The following WDR93 variants were observed in gnomAD, a reference collection of about 807,000 sequenced individuals.
WDR93 encodes WD repeat-containing protein 93.
In WDR93, 73 loss-of-function variants were observed where a neutral mutation model predicts 82.9. That is an observed-to-expected ratio of 0.88 (90% CI 0.73 to 1.07). The LOEUF (loss-of-function observed/expected upper bound fraction) is 1.07. Among genes scored for constraint, WDR93 ranks in the 50% least tolerant of loss-of-function variants. WDR93 has a pLI of 0.00. For missense variants in WDR93, 738 were observed against 826.0 expected (o/e 0.89, Z 1.31); for synonymous variants, 283 against 300.1 (o/e 0.94, Z 0.59).
At chr15:89,741,412 G>A (rs1486083819) in intron 16 of WDR93, among the ~76,000 whole-genome samples, 1 of 151,918 alleles carries the variant, frequency 6.6e-6, no homozygotes, top group East Asian at 1.9e-4. Context: ...ATTATCTGTG[G>A]AAGCAGGGTC....
At chr15:89,703,214 T>C in intron 3 of WDR93, 72 bp downstream of exon 3, 4 of 1,556,078 alleles carry the variant, frequency 2.6e-6, no homozygotes, top group Non-Finnish European at 2.7e-6. Flanking sequence ...TAATCTCCTT[T>C]TGAGGTATTG....
intron 4 of WDR93, among the ~76,000 whole-genome samples, chr15:89,709,726 A>G (rs1965876791): frequency 6.6e-6 from 1 of 152,122 alleles, no homozygotes. Context: ...TGCTGAGATT[A>G]CAGGTGAGGT....
chr15:89,703,356 G>A (rs944702460), intron 3 of WDR93: 1 of 580,196 alleles, frequency 1.7e-6, no homozygotes. Context: ...GCAGCCTTAG[G>A]GGGGAAGTAA....
chr15:89,737,946 T>C, intron 15 of WDR93, 95 bp from the exon 16 acceptor site: 1 of 1,411,648 alleles, frequency 7.1e-7, no homozygotes, highest in Non-Finnish European at 9.6e-7. Flanking sequence ...CCAGCCTTTA[T>C]AAGCAGAGAG....
intron 5 of WDR93, chr15:89,714,330 CT>C (rs939401869): frequency 3.0e-4 from 44 of 147,000 alleles, no homozygotes; most frequent in Non-Finnish European, 4.2e-4. Flanking sequence ...TGAAGCATTT[CT>C]TTTTTTTTTT....
intron 14 of WDR93, among the ~76,000 whole-genome samples, chr15:89,736,069 C>T (rs963988483): frequency 2.0e-5 from 3 of 152,130 alleles, no homozygotes; most frequent in African/African-American, 4.8e-5. Context: ...CTGTACACTG[C>T]GCAGAAGGAT....
intron 1 of WDR93, among the ~76,000 whole-genome samples, chr15:89,693,256 G>GT (rs1964991573): frequency 6.6e-6 from 1 of 152,176 alleles, no homozygotes; most frequent in Non-Finnish European, 1.5e-5. Context: ...CATATGGTAT[G>GT]TTTAACTTTG....
chr15:89,721,648 A>G (rs1966532274), intron 7 of WDR93, among the ~76,000 whole-genome samples: 1 of 152,120 alleles, frequency 6.6e-6, no homozygotes, highest in Non-Finnish European at 1.5e-5. Flanking sequence ...GGCTCTCGCT[A>G]TGTTGCCCAG....
At chr15:89,710,632 G>A (rs879622982) in intron 4 of WDR93, among the ~76,000 whole-genome samples, 6 of 151,850 alleles carry the variant, frequency 4.0e-5, no homozygotes, top group Non-Finnish European at 8.8e-5. Context: ...GGAATGTCCC[G>A]CAACTCATTT....
chr15:89,735,957 G>A (rs1256964323), intron 14 of WDR93, among the ~76,000 whole-genome samples: 2 of 152,312 alleles, frequency 1.3e-5, no homozygotes, highest in East Asian at 1.9e-4. Context: ...CGTGTCCCGG[G>A]CACTGCAGGA....
intron 5 of WDR93, 120 bp downstream of exon 5, chr15:89,712,224 G>C (rs989432390): frequency 5.0e-6 from 4 of 804,646 alleles, no homozygotes; most frequent in Non-Finnish European, 7.6e-6. Context: ...AAGAAGAGTT[G>C]CAAAGAAATT....
In WDR93 at chr15:89,709,790, C is replaced by G. The variant is rs1356649212; in HGVS notation, c.562-2236C>G. ...CATCAAGCCCATTTTTAGGTATTTA[C>G]CCAAAAGAAATGAAAACATTTGTTC... On this transcript the variant is annotated intron_variant, in intron 4 of 16. Coordinates refer to ENST00000268130, the MANE Select transcript of WDR93 (RefSeq NM_020212.2). Among the ~76,000 whole-genome samples the G allele has an allele frequency of 1.3e-5, 2 of 151,786 alleles. 1 individual carries two copies. Among genetic ancestry groups the G allele is most frequent in the African/African-American group, 4.8e-5 (2 of 41,288 alleles).
chr15:89,714,174 C>G (rs941603169), intron 5 of WDR93: 2 of 152,248 alleles, frequency 1.3e-5, no homozygotes, highest in Non-Finnish European at 2.9e-5. Flanking sequence ...GTTGCTGATT[C>G]TGTATTTGCT....
upstream of WDR93, chr15:89,690,729 G>A (rs186678055): frequency 6.4e-5 from 54 of 845,926 alleles, no homozygotes; most frequent in African/African-American, 6.7e-4. Context: ...CAGGTTATCC[G>A]CTGAGGGGGA....
At chr15:89,728,918 G>C (rs944099058) in intron 9 of WDR93, 105 bp from the exon 10 acceptor site, 13 of 959,740 alleles carry the variant, frequency 1.4e-5, no homozygotes, top group African/African-American at 1.3e-4. Flanking sequence ...CCCCTGGGAA[G>C]GTCCATTCTA....
chr15:89,691,701 C>T (rs368605464), intron 1 of WDR93, among the ~76,000 whole-genome samples: 10 of 151,264 alleles, frequency 6.6e-5, no homozygotes, highest in African/African-American at 2.4e-4. Flanking sequence ...GCCTGGGCGA[C>T]AGAGCGAGAC....
chr15:89,701,204 C>T (rs1965445494), intron 1 of WDR93, among the ~76,000 whole-genome samples: 1 of 152,002 alleles, frequency 6.6e-6, no homozygotes, highest in African/African-American at 2.4e-5. Context: ...AGCACTGTGT[C>T]TGCAGAACTT....
In WDR93 at chr15:89,739,428, T is replaced by C. The variant is rs1013498063; in HGVS notation, c.1961+1192T>C. Among the ~76,000 whole-genome samples, 5 of 152,306 alleles carry C rather than the reference T, an allele frequency of 3.3e-5. No homozygotes were observed. In the East Asian group the frequency reaches 5.8e-4, roughly 18 times the overall value. On this transcript the variant is annotated intron_variant, in intron 16 of 16. Coordinates refer to ENST00000268130, the MANE Select transcript of WDR93 (RefSeq NM_020212.2). Reference sequence around the variant, plus strand: ...TACCCATCATTCAGATAAACCGTTATGTGTGTGTTTCTCCTCTTCCCCTTC... The same window carrying C: ...TACCCATCATTCAGATAAACCGTTACGTGTGTGTTTCTCCTCTTCCCCTTC...
chr15:89,722,634 A>G (rs571980728), intron 8 of WDR93, among the ~76,000 whole-genome samples: 2 of 152,200 alleles, frequency 1.3e-5, no homozygotes, highest in African/African-American at 4.8e-5. Flanking sequence ...AATGGGGACC[A>G]TCAAGGGCTG....
Sources: gnomAD v4.1 joint callset for allele counts (sites outside exome capture counted in the v4.1 genomes callset) on GRCh38, gnomAD v4.1.1 for gene constraint, MANE v1.5 for transcripts, NCBI Gene and HGNC (gene_info 2026-07-23, HGNC 2026-07-21) for gene names.